TENM1: variants seen among roughly 807,000 people sequenced by gnomAD.
TENM1 encodes teneurin-1.
A neutral mutation model predicts 174.8 loss-of-function variants in TENM1; 35 were observed. That is an observed-to-expected ratio of 0.20 (90% CI 0.15 to 0.27). The LOEUF is 0.27. Among genes scored for constraint, TENM1 ranks in the 10% least tolerant of loss-of-function variants. The probability of loss-of-function intolerance (pLI) is 1.00; values close to 1 mark genes in which losing one functional copy is unlikely to be tolerated. For synonymous variants in TENM1, 781 were observed against 798.7 expected (o/e 0.98, Z 0.37); for missense variants, 1,633 against 2,130.1 (o/e 0.77, Z 4.59).
rs2050411535 is a variant in TENM1, at chrX:124,616,924, TA to T, written c.2077+24866del. Among the ~76,000 whole-genome samples the T allele has an allele frequency of 8.1e-5, 9 of 111,423 alleles. No individual in the cohort carries two copies. In the South Asian group the frequency reaches 3.5e-3, roughly 43 times the overall value. ...ATCTGAAGAAGGGAGACTACAAACA[TA>T]TATTAAGAGTCCTCTCCCCTTTTGC... On this transcript the variant is annotated intron_variant, in intron 11 of 31. Transcript: ENST00000422452.
Position 124,437,863 on chromosome X carries a change from T to C in TENM1, c.4105-15225A>G, listed in dbSNP as rs181767327. Among the ~76,000 whole-genome samples, 3 of 112,000 alleles carry C rather than the reference T, an allele frequency of 2.7e-5. No individual in the cohort carries two copies. The Admixed American group carries it at 2.8e-4, about 11-fold the overall frequency. ...CAGGTGTAGCCTGTTGGTAACATTTTATATGTCCCCATGTTTACTTTTCCA... is the reference window on the plus strand; with the variant it reads ...CAGGTGTAGCCTGTTGGTAACATTTCATATGTCCCCATGTTTACTTTTCCA... On this transcript the variant is annotated intron_variant, in intron 23 of 31. Coordinates refer to ENST00000422452, the Ensembl canonical transcript of TENM1.
At chrX:124,846,125 T>TA (rs1303150857) in intron 3 of TENM1, among the ~76,000 whole-genome samples, 3 of 109,769 alleles carry the variant, frequency 2.7e-5, no homozygotes, top group African/African-American at 9.9e-5. Context: ...TTGCCCATGA[T>TA]ACAACGCAGG....
chrX:124,537,441 G>C (rs1239666097), intron 15 of TENM1, among the ~76,000 whole-genome samples: 1 of 111,742 alleles, frequency 8.9e-6, no homozygotes, highest in East Asian at 2.8e-4. Flanking sequence ...GAAGTTAAAA[G>C]TTTTGCACTT....
chrX:124,617,527 G>T (rs367667885), intron 11 of TENM1, among the ~76,000 whole-genome samples: 4 of 111,652 alleles, frequency 3.6e-5, no homozygotes, highest in Admixed American at 1.9e-4. Context: ...AGGTTGGCAG[G>T]CTAGCCTCCG....
intron 1 of TENM1, among the ~76,000 whole-genome samples, chrX:124,937,836 T>C (rs1185373893): frequency 8.9e-6 from 1 of 112,033 alleles, no homozygotes; most frequent in African/African-American, 3.2e-5. Flanking sequence ...TTGCAGTATA[T>C]TATTTGTTAT....
At chrX:124,684,079 C>T (rs1461751709) in intron 5 of TENM1, among the ~76,000 whole-genome samples, 1 of 111,717 alleles carries the variant, frequency 9.0e-6, no homozygotes, top group African/African-American at 3.3e-5. Context: ...GGACAAAAGA[C>T]ATCAATAGGC....
intron 3 of TENM1, among the ~76,000 whole-genome samples, chrX:124,835,391 C>T (rs776907264): frequency 1.7e-4 from 19 of 112,080 alleles, no homozygotes; most frequent in South Asian, 1.1e-3. Context: ...CAGCCTTGAC[C>T]TCTCATCTGT....
the TENM1 span, among the ~76,000 whole-genome samples, chrX:125,053,338 A>G: frequency 8.9e-6 from 1 of 112,012 alleles, no homozygotes; most frequent in African/African-American, 3.2e-5. Flanking sequence ...GCAGTTTACT[A>G]GCCATATAAG....
chrX:124,748,756 C>T (rs1010807013), intron 3 of TENM1, among the ~76,000 whole-genome samples: 2 of 112,008 alleles, frequency 1.8e-5, no homozygotes, highest in African/African-American at 6.5e-5. Context: ...AGACCTATGT[C>T]GGTTTAAATC....
intron 3 of TENM1, among the ~76,000 whole-genome samples, chrX:124,755,627 T>C (rs1363538943): frequency 9.0e-6 from 1 of 111,718 alleles, no homozygotes; most frequent in South Asian, 3.8e-4. Flanking sequence ...TGGCTGGTAC[T>C]GGTTGTTCCT....
chrX:124,717,805 A>G (rs765210243), intron 4 of TENM1, among the ~76,000 whole-genome samples: 10 of 112,367 alleles, frequency 8.9e-5, no homozygotes, highest in Non-Finnish European at 1.5e-4. Context: ...CCTCCCACAC[A>G]AAACCAAAAG....
the TENM1 span, among the ~76,000 whole-genome samples, chrX:125,111,680 C>T: frequency 1.8e-5 from 2 of 111,041 alleles, no homozygotes; most frequent in Non-Finnish European, 3.8e-5. Flanking sequence ...GAATAACTTG[C>T]CAAAATACAC....
rs1055594150 is a variant in TENM1, at chrX:124,921,277, T to A, written c.218-25036A>T. ...ATTAATAAATAACTCCCTATCTAAC[T>A]TCTCCAATCTTGTCACAAGGCAACT... On this transcript the variant is annotated intron_variant, in intron 1 of 31. Transcript: ENST00000422452. Among the ~76,000 whole-genome samples the A allele has an allele frequency of 2.7e-5, 3 of 110,908 alleles. No homozygotes were observed. In the Admixed American group the frequency reaches 2.9e-4, roughly 11 times the overall value.
chrX:125,041,411 C>T, the TENM1 span, among the ~76,000 whole-genome samples: 1 of 111,341 alleles, frequency 9.0e-6, no homozygotes, highest in Non-Finnish European at 1.9e-5. Flanking sequence ...AACCCCTAAG[C>T]TTCCACAGAA....
intron 3 of TENM1, among the ~76,000 whole-genome samples, chrX:124,794,236 AG>A (rs1163440746): frequency 2.7e-5 from 3 of 111,624 alleles, no homozygotes; most frequent in Non-Finnish European, 5.7e-5. Context: ...GACTCCTCCC[AG>A]TCAGTAGCAG....
intron 11 of TENM1, among the ~76,000 whole-genome samples, chrX:124,634,836 C>T (rs778369269): frequency 7.2e-5 from 8 of 111,790 alleles, no homozygotes; most frequent in Non-Finnish European, 1.3e-4. Context: ...ATATAAACCT[C>T]TTACAACCTC....
At chrX:124,546,687 G>C (rs998752615) in intron 15 of TENM1, among the ~76,000 whole-genome samples, 187 bp downstream of exon 18, 1 of 111,351 alleles carries the variant, frequency 9.0e-6, no homozygotes, top group Non-Finnish European at 1.9e-5. Flanking sequence ...TTATGATACA[G>C]AATCTCTAGA....
the TENM1 span, among the ~76,000 whole-genome samples, chrX:125,062,698 G>A: frequency 8.9e-6 from 1 of 111,742 alleles, no homozygotes; most frequent in African/African-American, 3.3e-5. Context: ...TCATGAGGAG[G>A]TAGTGTTGAA....
At chrX:125,046,906 G>C in the TENM1 span, among the ~76,000 whole-genome samples, 1 of 108,440 alleles carries the variant, frequency 9.2e-6, no homozygotes, top group Non-Finnish European at 1.9e-5. Flanking sequence ...TTGGGGTAAG[G>C]AGAATACATT....
Sources: gnomAD v4.1 joint callset for allele counts (sites outside exome capture counted in the v4.1 genomes callset) on GRCh38, gnomAD v4.1.1 for gene constraint, MANE v1.5 for transcripts, NCBI Gene and HGNC (gene_info 2026-07-23, HGNC 2026-07-21) for gene names.